Variants in M1AP observed in about 807,000 individuals in gnomAD.
M1AP encodes the protein meiosis 1 associated protein, also known as meiosis 1 arrest protein.
Under a neutral mutation model 51.2 loss-of-function variants are expected in M1AP, and 39 were observed. The observed-to-expected ratio is 0.76, with a 90% CI of 0.59 to 1.00. The LOEUF is 1.00. M1AP is among the 50% of genes least tolerant of loss of function. The probability of loss-of-function intolerance (pLI) is 0.00; values close to 1 mark genes in which losing one functional copy is unlikely to be tolerated. For missense variants in M1AP, 545 were observed against 641.2 expected, an observed-to-expected ratio of 0.85 and a Z score of 1.62; for synonymous variants, 251 against 249.2, an observed-to-expected ratio of 1.01 and a Z score of -0.07.
intron 4 of M1AP, among the ~76,000 whole-genome samples, chr2:74,599,976 A>C (rs1680584991): frequency 6.6e-6 from 1 of 151,970 alleles, no homozygotes; most frequent in Non-Finnish European, 1.5e-5. Flanking sequence ...TGGTAGAGAG[A>C]GGGTTTTGTT....
chr2:74,598,053 G>A (rs1405595986), intron 4 of M1AP, among the ~76,000 whole-genome samples: 2 of 152,104 alleles, frequency 1.3e-5, no homozygotes, highest in Admixed American at 6.5e-5. Flanking sequence ...ATCTTGCCAC[G>A]TTGACTTTTA....
At chr2:74,595,526 A>G (rs2104650847) in intron 4 of M1AP, among the ~76,000 whole-genome samples, 1 of 150,086 alleles carries the variant, frequency 6.7e-6, no homozygotes, top group African/African-American at 2.5e-5. Flanking sequence ...TAATTTTTGT[A>G]TTTTTTGTAG....
intron 2 of M1AP, among the ~76,000 whole-genome samples, chr2:74,616,093 G>A (rs1194784099): frequency 6.6e-6 from 1 of 152,072 alleles, no homozygotes; most frequent in Non-Finnish European, 1.5e-5. Context: ...AAAACACAAG[G>A]AATTGCATAT....
At chr2:74,574,210 T>C (rs1678919905) in intron 7 of M1AP, among the ~76,000 whole-genome samples, 1 of 152,252 alleles carries the variant, frequency 6.6e-6, no homozygotes, top group African/African-American at 2.4e-5. Context: ...TGCATTCTAT[T>C]TGCAGTTGTT....
chr2:74,566,226 A>G (rs781095159), intron 7 of M1AP, among the ~76,000 whole-genome samples: 1 of 152,174 alleles, frequency 6.6e-6, no homozygotes, highest in Non-Finnish European at 1.5e-5. Flanking sequence ...TGCTTTCTAA[A>G]TTTGATTTAG....
chr2:74,638,058 C>CTT (rs879482436), intron 2 of M1AP, among the ~76,000 whole-genome samples: 3 of 143,822 alleles, frequency 2.1e-5, no homozygotes, highest in African/African-American at 7.6e-5. Context: ...TGGGACAATT[C>CTT]TTTTTTTTTT....
At chr2:74,600,585 C>G (rs1680618207) in intron 4 of M1AP, among the ~76,000 whole-genome samples, 1 of 152,182 alleles carries the variant, frequency 6.6e-6, no homozygotes, top group African/African-American at 2.4e-5. Context: ...ACAAAGAAAG[C>G]ATCTGGCTTT....
In M1AP at chr2:74,640,853, G is replaced by C. The variant is rs562158638; in HGVS notation, c.-52-526C>G. ...AGATGCTGAGTGGAACTAATCAAAA[G>C]TTACACCAAAAAACTCAAGCTTCTG... On this transcript the variant is annotated intron_variant, in intron 1 of 10. Transcript: ENST00000421985. 2.6e-5 allele frequency among the ~76,000 whole-genome samples: 4 copies of C among 152,288 alleles called. No homozygotes were observed. The East Asian group carries it at 7.7e-4, about 29-fold the overall frequency.
At chr2:74,629,779 T>A (rs1476944217) in intron 2 of M1AP, among the ~76,000 whole-genome samples, 1 of 151,970 alleles carries the variant, frequency 6.6e-6, no homozygotes, top group African/African-American at 2.4e-5. Context: ...AAAATTACCT[T>A]CAGATGGTGT....
intron 4 of M1AP, among the ~76,000 whole-genome samples, chr2:74,582,784 G>A (rs1448571262): frequency 2.0e-5 from 3 of 152,184 alleles, no homozygotes; most frequent in Non-Finnish European, 4.4e-5. Context: ...ACCTTGGGAG[G>A]CTGAGGTGGG....
At chr2:74,648,227 C>T (rs1376120391) in intron 1 of M1AP, 38 bp downstream of exon 1, 5 of 973,800 alleles carry the variant, frequency 5.1e-6, no homozygotes, top group African/African-American at 1.8e-5. Flanking sequence ...CGGCTGCTCT[C>T]GGGCTGCCCT....
At chr2:74,617,688 T>C (rs1203627768) in intron 2 of M1AP, among the ~76,000 whole-genome samples, 1 of 152,142 alleles carries the variant, frequency 6.6e-6, no homozygotes, top group Non-Finnish European at 1.5e-5. Flanking sequence ...GTTAAAAAAA[T>C]TCATACCATT....
chr2:74,590,018 A>C (rs1199891543), intron 4 of M1AP, among the ~76,000 whole-genome samples: 1 of 152,208 alleles, frequency 6.6e-6, no homozygotes, highest in African/African-American at 2.4e-5. Flanking sequence ...GTTGGGTTGC[A>C]TTCAAAGCCG....
intron 4 of M1AP, among the ~76,000 whole-genome samples, chr2:74,587,548 C>T (rs1259292481): frequency 6.6e-6 from 1 of 152,084 alleles, no homozygotes; most frequent in Non-Finnish European, 1.5e-5. Context: ...TGCTTTCTAC[C>T]CCCGACTACC....
chr2:74,609,859 T>C (rs1052650351), intron 3 of M1AP, among the ~76,000 whole-genome samples: 21 of 152,254 alleles, frequency 1.4e-4, no homozygotes, highest in Non-Finnish European at 3.1e-4. Context: ...TGTCTTCTTT[T>C]GAGAAATGTT....
At chr2:74,624,520 G>A (rs1682261841) in intron 2 of M1AP, among the ~76,000 whole-genome samples, 1 of 152,272 alleles carries the variant, frequency 6.6e-6, no homozygotes, top group Admixed American at 6.5e-5. Flanking sequence ...CCAGAATGCA[G>A]TTTAGGGAGG....
intron 2 of M1AP, among the ~76,000 whole-genome samples, chr2:74,630,065 T>C (rs1682616180): frequency 6.6e-6 from 1 of 152,012 alleles, no homozygotes; most frequent in Non-Finnish European, 1.5e-5. Flanking sequence ...CTTATCCTCC[T>C]GAGTAGCTGA....
At chr2:74,569,882 GTGTGTGTGTA>G (rs1678621277) in intron 7 of M1AP, among the ~76,000 whole-genome samples, 1 of 150,764 alleles carries the variant, frequency 6.6e-6, no homozygotes, top group African/African-American at 2.5e-5. Flanking sequence ...TAATTTGTGT[GTGTGTGTGTA>G]TGTGTGTGTG....
Position 74,604,678 on chromosome 2 carries a change from C to G in M1AP, c.595+2377G>C, listed in dbSNP as rs547237939. Among the ~76,000 whole-genome samples, 150 of 152,272 alleles carry G rather than the reference C, an allele frequency of 9.9e-4. 2 individuals carry two copies. Among genetic ancestry groups the G allele is most frequent in the African/African-American group, 3.5e-3 (147 of 41,544 alleles). ...GGCCCGGGGGTTGGAGATCCCTGCTCTAAGACACAGTTTGAGTATTTCTTC... is the reference window on the plus strand; with the variant it reads ...GGCCCGGGGGTTGGAGATCCCTGCTGTAAGACACAGTTTGAGTATTTCTTC... On this transcript the variant is annotated intron_variant, in intron 4 of 10. Coordinates refer to ENST00000421985, the MANE Select transcript of M1AP (RefSeq NM_001321739.2).
Sources: gnomAD v4.1 joint callset for allele counts (sites outside exome capture counted in the v4.1 genomes callset) on GRCh38, gnomAD v4.1.1 for gene constraint, MANE v1.5 for transcripts, NCBI Gene and HGNC (gene_info 2026-07-23, HGNC 2026-07-21) for gene names.